CDIN1: variants seen among roughly 807,000 people sequenced by gnomAD.
CDIN1 encodes the protein CDAN1 interacting nuclease 1.
A neutral mutation model predicts 45.3 loss-of-function variants in CDIN1; 33 were observed. That is an observed-to-expected ratio of 0.73 (90% CI 0.55 to 0.97). The LOEUF is 0.97. Among genes scored for constraint, CDIN1 ranks in the 50% least tolerant of loss-of-function variants. CDIN1 has a pLI of 0.00. For synonymous variants in CDIN1, 118 were observed against 124.4 expected (o/e 0.95, Z 0.34); for missense variants, 303 against 339.4 (o/e 0.89, Z 0.84).
intron 8 of CDIN1, among the ~76,000 whole-genome samples, chr15:36,703,072 G>A (rs1415257065): frequency 6.6e-6 from 1 of 150,442 alleles, no homozygotes; most frequent in African/African-American, 2.5e-5. Flanking sequence ...ATAAAAAACA[G>A]CCAGGTGTGG....
intron 10 of CDIN1, among the ~76,000 whole-genome samples, chr15:36,794,689 C>T (rs906872516): frequency 6.6e-6 from 1 of 152,042 alleles, no homozygotes; most frequent in African/African-American, 2.4e-5. Context: ...TTTCTTTATC[C>T]ATTCATACAT....
At chr15:36,793,423 C>T (rs1365190581) in intron 10 of CDIN1, among the ~76,000 whole-genome samples, 3 of 152,116 alleles carry the variant, frequency 2.0e-5, no homozygotes, top group Non-Finnish European at 2.9e-5. Context: ...CAGTCCCTCC[C>T]GTGTTATCTT....
At chr15:36,763,649 G>C (rs960296159) in intron 10 of CDIN1, among the ~76,000 whole-genome samples, 1 of 152,096 alleles carries the variant, frequency 6.6e-6, no homozygotes, top group Non-Finnish European at 1.5e-5. Context: ...CGTCTCTTTG[G>C]GTTAGGGAGC....
At chr15:36,618,994 C>G in intron 1 of CDIN1, 2 of 1,520,720 alleles carry the variant, frequency 1.3e-6, no homozygotes, top group Non-Finnish European at 1.8e-6. Context: ...ATCTTCAGTT[C>G]TTGTGTAGCC....
intron 10 of CDIN1, among the ~76,000 whole-genome samples, chr15:36,750,680 T>A (rs1233795390): frequency 6.6e-6 from 1 of 152,194 alleles, no homozygotes; most frequent in Non-Finnish European, 1.5e-5. Context: ...TCATTCCAAG[T>A]AAGGGCAGTT....
At chr15:36,618,206 A>C (rs183278532) in intron 1 of CDIN1, 20 of 678,550 alleles carry the variant, frequency 2.9e-5, no homozygotes, top group African/African-American at 1.1e-4. Flanking sequence ...CCAAAAAAAA[A>C]CCTGAAGCCT....
At chr15:36,621,235 G>A (rs2039172684) in intron 1 of CDIN1, among the ~76,000 whole-genome samples, 1 of 152,162 alleles carries the variant, frequency 6.6e-6, no homozygotes, top group Non-Finnish European at 1.5e-5. Context: ...CATAGCGTAA[G>A]CATCTTGGTA....
chr15:36,789,609 G>C (rs752091468), intron 10 of CDIN1, among the ~76,000 whole-genome samples: 32 of 152,128 alleles, frequency 2.1e-4, no homozygotes, highest in Non-Finnish European at 4.4e-5. Context: ...TAACAGTAAG[G>C]TATACTTATT....
chr15:36,614,690 T>A (rs2038803570), intron 1 of CDIN1, among the ~76,000 whole-genome samples: 1 of 152,174 alleles, frequency 6.6e-6, no homozygotes, highest in African/African-American at 2.4e-5. Context: ...AAGACTGTAC[T>A]ATGGGAAGCC....
chr15:36,663,574 C>T (rs1039366979), intron 5 of CDIN1, among the ~76,000 whole-genome samples: 6 of 151,968 alleles, frequency 3.9e-5, no homozygotes, highest in Non-Finnish European at 5.9e-5. Flanking sequence ...CCTTTTTGCT[C>T]GGCACTTCCC....
At chr15:36,587,168 C>G (rs1208215009) in intron 1 of CDIN1, among the ~76,000 whole-genome samples, 2 of 152,096 alleles carry the variant, frequency 1.3e-5, no homozygotes, top group Non-Finnish European at 1.5e-5. Flanking sequence ...TTAGGTTTTT[C>G]TAATGGTGTT....
chr15:36,784,130 T>G (rs1434633874), intron 10 of CDIN1, among the ~76,000 whole-genome samples: 1 of 152,224 alleles, frequency 6.6e-6, no homozygotes, highest in African/African-American at 2.4e-5. Flanking sequence ...ATATGCATTT[T>G]TAAGGTAAAT....
At chr15:36,587,038 C>T (rs2037334793) in intron 1 of CDIN1, among the ~76,000 whole-genome samples, 1 of 152,158 alleles carries the variant, frequency 6.6e-6, no homozygotes, top group Non-Finnish European at 1.5e-5. Context: ...CTTGAGTTCC[C>T]TTACCATATA....
intron 10 of CDIN1, among the ~76,000 whole-genome samples, chr15:36,765,688 A>T (rs1245169054): frequency 6.6e-6 from 1 of 152,118 alleles, no homozygotes; most frequent in Non-Finnish European, 1.5e-5. Flanking sequence ...AAATTATGGG[A>T]TTTGAAAATG....
At chr15:36,761,526 T>G (rs2053763985) in intron 10 of CDIN1, among the ~76,000 whole-genome samples, 1 of 152,118 alleles carries the variant, frequency 6.6e-6, no homozygotes, top group Admixed American at 6.6e-5. Context: ...AGAGAGGAAA[T>G]CAGGGGAAAT....
intron 8 of CDIN1, chr15:36,705,357 T>C (rs1001248298): frequency 3.9e-5 from 6 of 152,168 alleles, no homozygotes; most frequent in African/African-American, 1.4e-4. Context: ...CATTTCAAGA[T>C]CTTCCAAGAT....
intron 10 of CDIN1, among the ~76,000 whole-genome samples, chr15:36,717,672 G>T (rs972013409): frequency 6.6e-6 from 1 of 152,060 alleles, no homozygotes; most frequent in Non-Finnish European, 1.5e-5. Context: ...GAGTAAAGAT[G>T]TAATGTAATC....
intron 5 of CDIN1, among the ~76,000 whole-genome samples, chr15:36,660,036 T>TGG (rs2040946355): frequency 7.6e-6 from 1 of 130,862 alleles, no homozygotes; most frequent in African/African-American, 2.8e-5. Context: ...TTCTTCCCCT[T>TGG]CAGAGCATGG....
chr15:36,784,734 C>G (rs570155372), intron 10 of CDIN1, among the ~76,000 whole-genome samples: 25 of 146,968 alleles, frequency 1.7e-4, no homozygotes, highest in Middle Eastern at 6.8e-3. Flanking sequence ...GTCCTGCTTG[C>G]TAACTAAATT....
Sources: gnomAD v4.1 joint callset for allele counts (sites outside exome capture counted in the v4.1 genomes callset) on GRCh38, gnomAD v4.1.1 for gene constraint, MANE v1.5 for transcripts, NCBI Gene and HGNC (gene_info 2026-07-23, HGNC 2026-07-21) for gene names.